Variants in RBFOX1 observed in about 807,000 individuals in gnomAD.
The protein encoded by RBFOX1 is RNA binding fox-1 homolog 1, also known as RNA binding protein fox-1 homolog 1.
Under a neutral mutation model 57.7 loss-of-function variants are expected in RBFOX1, and 8 were observed. The ratio of observed to expected loss-of-function variants is 0.14; its 90% CI spans 0.08 to 0.25. The LOEUF is 0.25. RBFOX1 is among the 10% of genes least tolerant of loss of function. The probability of loss-of-function intolerance (pLI) is 1.00; values close to 1 mark genes in which losing one functional copy is unlikely to be tolerated. For synonymous variants in RBFOX1, 326 were observed against 222.4 expected (o/e 1.47, Z -4.15); for missense variants, 611 against 548.5 (o/e 1.11, Z -1.14).
chr16:5,440,336 A>G (rs1016048675), intron 1 of RBFOX1, among the ~76,000 whole-genome samples: 1 of 152,202 alleles, frequency 6.6e-6, no homozygotes, highest in African/African-American at 2.4e-5. Context: ...AACTTTGACT[A>G]GAAAGAATTT....
chr16:6,080,531 C>G (rs1238170855), intron 1 of RBFOX1, among the ~76,000 whole-genome samples: 1 of 152,130 alleles, frequency 6.6e-6, no homozygotes, highest in Admixed American at 6.6e-5. Flanking sequence ...ATTGAAGAAA[C>G]TTACAATGAA....
intron 3 of RBFOX1, among the ~76,000 whole-genome samples, chr16:6,999,705 C>A (rs1336588449): frequency 2.6e-5 from 4 of 151,768 alleles, no homozygotes; most frequent in Non-Finnish European, 5.9e-5. Context: ...TTAAATATAT[C>A]AGTATGTATA....
intron 3 of RBFOX1, among the ~76,000 whole-genome samples, chr16:6,736,356 G>T (rs887473431): frequency 2.0e-5 from 3 of 151,808 alleles, no homozygotes; most frequent in Non-Finnish European, 4.4e-5. Flanking sequence ...TCATTCTTAT[G>T]CCTTTGCATT....
chr16:7,158,295 G>C (rs780207354), intron 4 of RBFOX1, among the ~76,000 whole-genome samples: 1 of 152,104 alleles, frequency 6.6e-6, no homozygotes, highest in Non-Finnish European at 1.5e-5. Context: ...GCAGTGAGCT[G>C]AGATCACATC....
chr16:5,766,725 C>T (rs1373997838), intron 3 of RBFOX1, among the ~76,000 whole-genome samples: 1 of 152,116 alleles, frequency 6.6e-6, no homozygotes, highest in African/African-American at 2.4e-5. Flanking sequence ...TGTTGGGGAC[C>T]AGATGTCAAC....
chr16:6,450,404 G>A (rs1024392724), intron 2 of RBFOX1, among the ~76,000 whole-genome samples: 2 of 151,852 alleles, frequency 1.3e-5, no homozygotes, highest in Non-Finnish European at 2.9e-5. Flanking sequence ...GAATAACTGT[G>A]CTAATTTTAT....
chr16:7,005,219 T>C (rs2093193520), intron 3 of RBFOX1, among the ~76,000 whole-genome samples: 1 of 152,090 alleles, frequency 6.6e-6, no homozygotes, highest in Non-Finnish European at 1.5e-5. Context: ...GTGTGGGACA[T>C]ACAGTATGAA....
chr16:7,221,110 T>A (rs1397992230), intron 4 of RBFOX1, among the ~76,000 whole-genome samples: 1 of 152,142 alleles, frequency 6.6e-6, no homozygotes, highest in African/African-American at 2.4e-5. Flanking sequence ...TTTGATTTGA[T>A]TTGCTGCGTT....
At chr16:7,468,457 G>GTTTT (rs370402076) in intron 4 of RBFOX1, among the ~76,000 whole-genome samples, 3 of 133,446 alleles carry the variant, frequency 2.2e-5, no homozygotes, top group Non-Finnish European at 3.2e-5. Flanking sequence ...CTCGGAGGGT[G>GTTTT]TTTTTTTTTT....
At chr16:7,268,141 C>G (rs998224121) in intron 4 of RBFOX1, among the ~76,000 whole-genome samples, 1 of 152,152 alleles carries the variant, frequency 6.6e-6, no homozygotes, top group South Asian at 2.1e-4. Context: ...GTCCCTGCAC[C>G]TCAATATAGC....
At chr16:6,652,685 C>G (rs1262500737) in intron 2 of RBFOX1, among the ~76,000 whole-genome samples, 2 of 152,018 alleles carry the variant, frequency 1.3e-5, no homozygotes, top group African/African-American at 2.4e-5. Context: ...TCCTAGCCGA[C>G]TCATACAATG....
chr16:5,283,829 C>T (rs2063329290), intron 1 of RBFOX1, among the ~76,000 whole-genome samples: 1 of 151,926 alleles, frequency 6.6e-6, no homozygotes, highest in African/African-American at 2.4e-5. Context: ...GACTGTGGAC[C>T]TCTCAGTTAA....
At chr16:7,544,226 G>A (rs1044345968) in intron 5 of RBFOX1, among the ~76,000 whole-genome samples, 7 of 152,218 alleles carry the variant, frequency 4.6e-5, no homozygotes, top group African/African-American at 1.4e-4. Flanking sequence ...TGATGGTGAT[G>A]TCTTTAGGGA....
intron 3 of RBFOX1, among the ~76,000 whole-genome samples, chr16:5,746,309 T>G (rs62014098): frequency 0.014 from 2,158 of 152,266 alleles, 39 homozygotes; most frequent in Non-Finnish European, 0.021. Flanking sequence ...TCTCTGTTTT[T>G]GTACCAGTAC....
intron 2 of RBFOX1, among the ~76,000 whole-genome samples, chr16:6,572,721 T>C (rs984364591): frequency 9.9e-5 from 15 of 151,950 alleles, no homozygotes; most frequent in Non-Finnish European, 2.2e-4. Context: ...GCCTCCCGAG[T>C]AGCTAGAATT....
At chr16:5,605,451 G>C (rs2047538564) in intron 3 of RBFOX1, among the ~76,000 whole-genome samples, 1 of 152,246 alleles carries the variant, frequency 6.6e-6, no homozygotes, top group South Asian at 2.1e-4. Flanking sequence ...GTAGGGAAGA[G>C]TGGTGCCATT....
chr16:7,147,331 T>G (rs62017089), intron 4 of RBFOX1, among the ~76,000 whole-genome samples: 65,657 of 149,672 alleles, frequency 0.44, 16,250 homozygotes, highest in South Asian at 0.59. Flanking sequence ...TTTCAACTTT[T>G]ATTTTAGGTT....
intron 4 of RBFOX1, among the ~76,000 whole-genome samples, chr16:7,198,795 T>C (rs1262770322): frequency 6.6e-6 from 1 of 152,230 alleles, no homozygotes; most frequent in Non-Finnish European, 1.5e-5. Flanking sequence ...CTCCCAACAC[T>C]GTTGCAATGG....
chr16:6,886,094 G>A (rs923921806), intron 3 of RBFOX1, among the ~76,000 whole-genome samples: 12 of 143,286 alleles, frequency 8.4e-5, no homozygotes, highest in Non-Finnish European at 1.3e-4. Flanking sequence ...ACGGAGTCTC[G>A]CTCTGTCACC....
Sources: gnomAD v4.1 joint callset for allele counts (sites outside exome capture counted in the v4.1 genomes callset) on GRCh38, gnomAD v4.1.1 for gene constraint, MANE v1.5 for transcripts, NCBI Gene and HGNC (gene_info 2026-07-23, HGNC 2026-07-21) for gene names.